DPYSL2: variants seen among roughly 807,000 people sequenced by gnomAD.
DPYSL2 encodes dihydropyrimidinase-related protein 2.
DPYSL2 carries 13 observed loss-of-function variants against 69.9 expected under a neutral mutation model. That is an observed-to-expected ratio of 0.19 (90% CI 0.12 to 0.30). The LOEUF is 0.30. Ranked by LOEUF, DPYSL2 falls within the 10% of genes least tolerant of loss-of-function variation. The pLI, the probability that DPYSL2 is intolerant of heterozygous loss-of-function variation, is 1.00. For missense variants in DPYSL2, 587 were observed against 918.9 expected, an observed-to-expected ratio of 0.64 and a Z score of 4.67; for synonymous variants, 326 against 359.1, an observed-to-expected ratio of 0.91 and a Z score of 1.04.
At chr8:26,548,639 T>C (rs1317109791) in intron 1 of DPYSL2, among the ~76,000 whole-genome samples, 2 of 151,982 alleles carry the variant, frequency 1.3e-5, no homozygotes, top group African/African-American at 2.4e-5. Flanking sequence ...TCCCAGCACT[T>C]TGGGAGTCTG....
intron 1 of DPYSL2, among the ~76,000 whole-genome samples, chr8:26,521,542 G>A (rs35901710): frequency 0.11 from 17,102 of 151,420 alleles, 1,091 homozygotes; most frequent in Non-Finnish European, 0.15. Flanking sequence ...TGGCAGGTTT[G>A]AAATGCACAA....
At chr8:26,613,207 G>A (rs544832629) in intron 3 of DPYSL2, among the ~76,000 whole-genome samples, 2 of 152,184 alleles carry the variant, frequency 1.3e-5, no homozygotes, top group African/African-American at 2.4e-5. Flanking sequence ...ATACATCTGC[G>A]ACATCATCTT....
At chr8:26,590,776 C>T (rs982409552) in intron 3 of DPYSL2, among the ~76,000 whole-genome samples, 4 of 152,234 alleles carry the variant, frequency 2.6e-5, no homozygotes, top group Admixed American at 1.3e-4. Context: ...ATGCCTGGTG[C>T]GGTACAGGGG....
chr8:26,544,508 A>G (rs1800733982), intron 1 of DPYSL2, among the ~76,000 whole-genome samples: 1 of 152,204 alleles, frequency 6.6e-6, no homozygotes, highest in South Asian at 2.1e-4. Flanking sequence ...GTTTCATATA[A>G]GGACTTAAGT....
At chr8:26,576,986 C>T (rs1585518598) in intron 1 of DPYSL2, 1 of 306,122 alleles carries the variant, frequency 3.3e-6, no homozygotes, top group East Asian at 1.7e-4. Flanking sequence ...GAGCGCAGAT[C>T]GCGCCACATC....
chr8:26,555,254 A>G (rs1325614551), intron 1 of DPYSL2, among the ~76,000 whole-genome samples: 1 of 152,148 alleles, frequency 6.6e-6, no homozygotes, highest in African/African-American at 2.4e-5. Context: ...ATCCTAGGTA[A>G]TACAAGAAGC....
chr8:26,555,889 TGTAGTACTTGTATAG>T (rs1800937762), intron 1 of DPYSL2, among the ~76,000 whole-genome samples: 1 of 141,718 alleles, frequency 7.1e-6, no homozygotes, highest in South Asian at 2.1e-4. Context: ...TACTTGTATA[TGTAGTACTTGTATAG>T]GTAGTTATAT....
At chr8:26,526,419 G>A (rs17055404) in intron 1 of DPYSL2, among the ~76,000 whole-genome samples, 2,284 of 152,198 alleles carry the variant, frequency 0.015, 26 homozygotes, top group Admixed American at 0.035. Context: ...TTAGCAATAG[G>A]TCATGTTATT....
Position 26,654,468 on chromosome 8 carries a change from A to G in DPYSL2, c.1942+1071A>G, listed in dbSNP as rs1214444428. Among the ~76,000 whole-genome samples the G allele has an allele frequency of 2.6e-5, 4 of 152,134 alleles. No homozygotes were observed. The highest frequency in any genetic ancestry group is 4.4e-5 in the Non-Finnish European group (3 of 68,022). The stretch of plus-strand genomic sequence containing the variant: ...TGTATGGGTTTTTAGAAAGTAACCT[A>G]TGTCCCATATATGGATTACCAGTTT... On this transcript the variant is annotated intron_variant, in intron 13 of 13. Transcript: ENST00000521913. The surrounding 1 kb of genome is among the most constrained non-coding windows in gnomAD (Gnocchi z 5.0).
At chr8:26,613,618 G>A (rs1341077291) in intron 3 of DPYSL2, among the ~76,000 whole-genome samples, 2 of 152,194 alleles carry the variant, frequency 1.3e-5, no homozygotes, top group Non-Finnish European at 2.9e-5. Flanking sequence ...GAATGCTGAC[G>A]GACGGGAGGA....
intron 1 of DPYSL2, among the ~76,000 whole-genome samples, chr8:26,577,543 G>A (rs912363814): frequency 6.7e-6 from 1 of 148,948 alleles, no homozygotes; most frequent in African/African-American, 2.4e-5. Flanking sequence ...AGGCGGGCAG[G>A]GACCGGGGCG....
At chr8:26,566,574 C>A (rs1420301719) in intron 1 of DPYSL2, among the ~76,000 whole-genome samples, 1 of 152,032 alleles carries the variant, frequency 6.6e-6, no homozygotes, top group African/African-American at 2.4e-5. Context: ...CTGACAACAG[C>A]CTTAAGGCAA....
intron 1 of DPYSL2, among the ~76,000 whole-genome samples, chr8:26,554,168 A>G (rs1800909470): frequency 6.6e-6 from 1 of 152,074 alleles, no homozygotes; most frequent in Admixed American, 6.6e-5. Context: ...GATTACAGGC[A>G]TGAGCTACCG....
intron 1 of DPYSL2, among the ~76,000 whole-genome samples, chr8:26,528,562 G>T (rs577167841): frequency 6.6e-6 from 1 of 151,500 alleles, no homozygotes; most frequent in African/African-American, 2.4e-5. Flanking sequence ...CAGGAGAATC[G>T]CTTGAACCCG....
chr8:26,607,133 TG>T (rs1303835840), intron 3 of DPYSL2, among the ~76,000 whole-genome samples: 4 of 152,188 alleles, frequency 2.6e-5, no homozygotes, highest in African/African-American at 9.7e-5. Context: ...TGATGAAAAT[TG>T]GTGACTGGTA....
rs1801514374 is a variant in DPYSL2 at position 26,582,610 on chromosome 8, T to C, written c.443+553T>C. Among the ~76,000 whole-genome samples, 1 of 152,246 alleles carries C rather than the reference T, an allele frequency of 6.6e-6. No individual in the cohort carries two copies. The highest frequency in any genetic ancestry group is 1.5e-5 in the Non-Finnish European group (1 of 68,042). ...GCAAATAAGACTGCCCTTGTGTTTA[T>C]TGTGTTAATGTTACAAAGGAGAAGC... On this transcript the variant is annotated intron_variant, in intron 2 of 13. Coordinates refer to ENST00000521913, the MANE Select transcript of DPYSL2 (RefSeq NM_001197293.3). The surrounding 1 kb of genome is among the most constrained non-coding windows in gnomAD (Gnocchi z 4.1).
chr8:26,576,184 T>C (rs1216621733), intron 1 of DPYSL2, among the ~76,000 whole-genome samples: 2 of 152,110 alleles, frequency 1.3e-5, no homozygotes, highest in African/African-American at 4.8e-5. Flanking sequence ...TTTTTAGAGA[T>C]ATAGGAGTGA....
intron 3 of DPYSL2, among the ~76,000 whole-genome samples, chr8:26,601,624 G>A (rs187647768): frequency 8.0e-4 from 121 of 151,894 alleles, no homozygotes; most frequent in Middle Eastern, 3.4e-3. Context: ...TGATCCGCCC[G>A]TCTTGGCCTC....
At chr8:26,645,379 G>A (rs1446304911) in intron 10 of DPYSL2, among the ~76,000 whole-genome samples, 2 of 151,618 alleles carry the variant, frequency 1.3e-5, no homozygotes, top group African/African-American at 4.9e-5. Context: ...CCAGACTGGG[G>A]GACACAGTGA....
Sources: allele counts gnomAD v4.1 joint callset (sites outside exome capture counted in the v4.1 genomes callset), GRCh38; gene constraint gnomAD v4.1.1; non-coding constraint Gnocchi (gnomAD v3.1); transcripts MANE v1.5; gene names NCBI Gene and HGNC (gene_info 2026-07-23, HGNC 2026-07-21).